Variants in DGKD observed in about 807,000 individuals in gnomAD.
DGKD encodes diacylglycerol kinase delta.
Under a neutral mutation model 154.4 loss-of-function variants are expected in DGKD, and 68 were observed. The ratio of observed to expected loss-of-function variants is 0.44; its 90% confidence interval spans 0.36 to 0.54. The LOEUF (loss-of-function observed/expected upper bound fraction) is 0.54, where lower values mean the gene tolerates loss of function less well. Among genes scored for constraint, DGKD ranks in the 20% least tolerant of loss-of-function variants. DGKD has a pLI of 0.00. For missense variants in DGKD, 1,343 were observed against 1,593.6 expected (o/e 0.84, Z 2.68); for synonymous variants, 693 against 638.0 (o/e 1.09, Z -1.30).
chr2:233,444,828 G>A (rs1432484222), intron 10 of DGKD, among the ~76,000 whole-genome samples: 1 of 150,364 alleles, frequency 6.7e-6, no homozygotes, highest in Non-Finnish European at 1.5e-5. Context: ...GCTGGACCAC[G>A]GCAGGTTTCC....
chr2:233,381,754 T>G (rs1488037859), intron 1 of DGKD, among the ~76,000 whole-genome samples: 1 of 152,226 alleles, frequency 6.6e-6, no homozygotes, highest in South Asian at 2.1e-4. Flanking sequence ...GAGATAGAAT[T>G]GGAGAGGCCT....
intron 3 of DGKD, among the ~76,000 whole-genome samples, chr2:233,413,469 T>C (rs1184236593): frequency 6.6e-6 from 1 of 152,196 alleles, no homozygotes; most frequent in Non-Finnish European, 1.5e-5. Flanking sequence ...TCTCTTCCTT[T>C]TCCCTCTGAT....
In DGKD at chr2:233,450,037, C is replaced by G. The variant is rs760473805; in HGVS notation, c.1944C>G (p.Leu648=). The change falls in exon 16 of 30, where the codon CTC becomes CTG. Residue 648 remains leucine (L), a synonymous_variant. Coordinates refer to ENST00000264057, the MANE Select transcript of DGKD (RefSeq NM_152879.3). ...TQEQEGFVLG[L]SESEEKMDHR... ...AGCAGGAGGGCTTCGTCCTGGGCCTCTCTGAGTCAGAGGAGAAGATGGACC... is the reference window on the plus strand; with the variant it reads ...AGCAGGAGGGCTTCGTCCTGGGCCTGTCTGAGTCAGAGGAGAAGATGGACC... The G allele has an allele frequency of 7.4e-6, 12 of 1,613,878 alleles. No individual in the cohort carries two copies. The highest frequency in any genetic ancestry group is 1.0e-5 in the Non-Finnish European group (12 of 1,179,914).
Position 233,445,833 on chromosome 2 carries a change from T to A in DGKD, c.1334+71T>A. On this transcript the variant is annotated intron_variant, in intron 11 of 29. Transcript: ENST00000264057. This position sits in a 1 kb window ranked among gnomAD's most constrained non-coding sequence, Gnocchi z 5.5. ...ACAGGTCCCTTTGACCAGGTGTTCT[T>A]AACCTGGGGTCTGTGGAAAACATGG... is the stretch of plus-strand genomic sequence containing the variant. The A allele has an allele frequency of 6.7e-7, 1 of 1,486,936 alleles. No individual in the cohort carries two copies. The highest frequency in any genetic ancestry group is 9.0e-7 in the Non-Finnish European group (1 of 1,112,422). 92.1% of individuals were successfully genotyped at this position (1,486,936 alleles called of 1,614,324 possible). A position where few individuals can be genotyped will look rare whatever the true frequency, so the allele number is the denominator to read the frequency against.
intron 17 of DGKD, 21 bp downstream of exon 17, chr2:233,451,071 G>C (rs1471489428): frequency 4.8e-5 from 77 of 1,593,146 alleles, no homozygotes; most frequent in Non-Finnish European, 6.5e-5. Flanking sequence ...GCCAGCAGGA[G>C]GGACTGGTGG....
intron 11 of DGKD, among the ~76,000 whole-genome samples, chr2:233,446,138 G>A (rs1413445652): frequency 1.3e-5 from 2 of 152,232 alleles, no homozygotes; most frequent in East Asian, 1.9e-4. Context: ...TCTGTTCCCA[G>A]AAGAAGTTTT....
At chr2:233,421,059 T>C (rs961980348) in intron 3 of DGKD, among the ~76,000 whole-genome samples, 2 of 152,114 alleles carry the variant, frequency 1.3e-5, no homozygotes, top group East Asian at 1.9e-4. Flanking sequence ...ATTTCTATAG[T>C]GTCTTTAAGT....
Position 233,435,836 on chromosome 2 carries a change from A to T in DGKD, c.605A>T (p.His202Leu). 6.2e-7 allele frequency: 1 copy of T among 1,611,648 alleles called. No homozygotes were observed. ...CTCACAGTGTGCAAATTTAAGGCCC[A>T]CAAGCGCTGTGCTGTGCGTGCAACC... Reference protein sequence around the residue: ...LSCEVCKFKAHKRCAVRATNN... With the variant: ...LSCEVCKFKALKRCAVRATNN... Residue 202 changes from histidine (H) to leucine (L), a missense_variant, in exon 6 of 30, where the codon CAC becomes CTC. Physicochemically the swap from His to Leu is moderately conservative, Grantham distance 99. This residue lies in a region of DGKD where 332 missense variants were observed against 400.1 expected (regional missense o/e 0.83). Transcript: ENST00000264057.
chr2:233,416,505 T>C (rs2061964315), intron 3 of DGKD, among the ~76,000 whole-genome samples: 2 of 152,244 alleles, frequency 1.3e-5, no homozygotes, highest in South Asian at 4.1e-4. Flanking sequence ...GGGTAGCTTA[T>C]GAAACTCTTT....
chr2:233,449,839 G>A lies in DGKD; in HGVS notation c.1889-143G>A, dbSNP rs1378792452. ...ACCAGGGGGAAGATGGGTGGGGGTG[G>A]GGTTTCGGAGTCCAAGCCTTTAGCC... is the stretch of plus-strand genomic sequence containing the variant. On this transcript the variant is annotated intron_variant, in intron 15 of 29. Coordinates refer to ENST00000264057, the MANE Select transcript of DGKD (RefSeq NM_152879.3). The surrounding 1 kb of genome is among the most constrained non-coding windows in gnomAD (Gnocchi z 5.3). The A allele has an allele frequency of 5.1e-6, 5 of 974,910 alleles. No individual in the cohort carries two copies. Among genetic ancestry groups the A allele is most frequent in the Non-Finnish European group, 7.2e-6 (5 of 693,624 alleles). The allele number at this position is 974,910 out of a possible 1,614,324, so 60.4% of individuals were successfully genotyped here.
At chr2:233,418,694 C>T (rs1369463635) in intron 3 of DGKD, among the ~76,000 whole-genome samples, 1 of 152,164 alleles carries the variant, frequency 6.6e-6, no homozygotes, top group Non-Finnish European at 1.5e-5. Flanking sequence ...GTGGGTGGCA[C>T]CTGTCAGTTG....
Position 233,450,129 on chromosome 2 carries a change from A to G in DGKD, c.2036A>G (p.Lys679Arg). The G allele has an allele frequency of 6.2e-7, 1 of 1,608,446 alleles. No individual in the cohort carries two copies. The highest frequency in any genetic ancestry group is 8.5e-7 in the Non-Finnish European group (1 of 1,176,958). Reference sequence around the variant, plus strand: ...GTCCCCAAGGGGAGGAGCCAGCGCAAAGGTACTTGTGCCTCCACCTCCCTC... The same window carrying G: ...GTCCCCAAGGGGAGGAGCCAGCGCAGAGGTACTTGTGCCTCCACCTCCCTC... ...FGVPKGRSQRKVSKSPCEKLI... is the reference protein window; with the variant it reads ...FGVPKGRSQRRVSKSPCEKLI... The change falls in exon 16 of 30, where the codon AAA becomes AGA. Residue 679 changes from lysine (K) to arginine (R), a missense_variant and splice_region_variant. Transcript: ENST00000264057.
Position 233,360,663 on chromosome 2 carries a change from G to A in DGKD, c.156+5989G>A, listed in dbSNP as rs966221706. Among the ~76,000 whole-genome samples, 12 of 152,132 alleles carry A rather than the reference G, an allele frequency of 7.9e-5. No homozygotes were observed. In the South Asian group the frequency reaches 1.4e-3, roughly 18 times the overall value. ...TTCAGGCTTCTGAGTAGCTGGGAGC[G>A]TAGGCTCAAGCCACTGTGCCTGGCT... On this transcript the variant is annotated intron_variant, in intron 1 of 29. Coordinates refer to ENST00000264057, the MANE Select transcript of DGKD (RefSeq NM_152879.3).
rs999631580 is a variant in DGKD, at chr2:233,467,214, C to G, written c.3424+11C>G. The G allele has an allele frequency of 1.9e-6, 3 of 1,585,780 alleles. No individual in the cohort carries two copies. The highest frequency in any genetic ancestry group is 1.7e-5 in the Admixed American group (1 of 59,996). On this transcript the variant is annotated intron_variant, in intron 28 of 29. Coordinates refer to ENST00000264057, the MANE Select transcript of DGKD (RefSeq NM_152879.3). ...GCCTGGGAGCCCCGGGTACCTGCCT[C>G]TCTCCCGCGTGTGTTTCTGGCCGTC...
At chr2:233,384,106 A>G (rs1703040264) in intron 1 of DGKD, among the ~76,000 whole-genome samples, 3 of 152,128 alleles carry the variant, frequency 2.0e-5, no homozygotes, top group Admixed American at 2.0e-4. Context: ...AAGTTGAAAA[A>G]AACCTGTTAT....
chr2:233,378,151 C>T (rs565247527), intron 1 of DGKD, among the ~76,000 whole-genome samples: 31 of 151,344 alleles, frequency 2.0e-4, no homozygotes, highest in Admixed American at 4.6e-4. Context: ...TGGTGGCTCA[C>T]GCCTGTAATC....
At chr2:233,432,854 A>G (rs182012750) in intron 3 of DGKD, among the ~76,000 whole-genome samples, 18 of 152,360 alleles carry the variant, frequency 1.2e-4, no homozygotes, top group African/African-American at 4.3e-4. Flanking sequence ...GCTCAATATC[A>G]TTGATCATCA....
At chr2:233,375,146 C>T (rs985473309) in intron 1 of DGKD, among the ~76,000 whole-genome samples, 1 of 152,098 alleles carries the variant, frequency 6.6e-6, no homozygotes, top group African/African-American at 2.4e-5. Flanking sequence ...CAAAAATTGG[C>T]CAGGCGTGAT....
intron 24 of DGKD, 54 bp downstream of exon 24, chr2:233,460,399 C>G (rs2063590864): frequency 1.3e-6 from 2 of 1,597,002 alleles, no homozygotes; most frequent in African/African-American, 1.3e-5. Flanking sequence ...GTCCCTGGGA[C>G]TGCACTCTTC....
Sources: allele counts gnomAD v4.1 joint callset (sites outside exome capture counted in the v4.1 genomes callset), GRCh38; gene constraint gnomAD v4.1.1; regional missense constraint gnomAD v4.1.1; non-coding constraint Gnocchi (gnomAD v3.1); transcripts MANE v1.5; gene names NCBI Gene and HGNC (gene_info 2026-07-23, HGNC 2026-07-21).